The following MYO1E variants were observed in gnomAD, a reference collection of about 807,000 sequenced individuals.
The protein encoded by MYO1E is myosin IE, also known as unconventional myosin-Ie.
A neutral mutation model predicts 151.1 loss-of-function variants in MYO1E; 68 were observed. That is an observed-to-expected ratio of 0.45 (90% CI 0.37 to 0.55). The LOEUF is 0.55. MYO1E is among the 20% of genes least tolerant of loss of function. The pLI, the probability that MYO1E is intolerant of heterozygous loss-of-function variation, is 0.00. For synonymous variants in MYO1E, 601 were observed against 501.7 expected (o/e 1.20, Z -2.64); for missense variants, 1,363 against 1,389.3 (o/e 0.98, Z 0.30).
chr15:59,362,827 G>A lies in MYO1E; in HGVS notation c.3+9671C>T, dbSNP rs542225994. Among the ~76,000 whole-genome samples, 12 of 152,248 alleles carry A rather than the reference G, an allele frequency of 7.9e-5. 1 individual carries two copies. Among genetic ancestry groups the A allele is most frequent in the African/African-American group, 2.6e-4 (11 of 41,550 alleles). On this transcript the variant is annotated intron_variant, in intron 1 of 27. Transcript: ENST00000288235. ...GTGGTCACACCGAAGAAATTATTAGGAGACTAACAATGTGATATTCTAATT... is the reference window on the plus strand; with the variant it reads ...GTGGTCACACCGAAGAAATTATTAGAAGACTAACAATGTGATATTCTAATT...
chr15:59,231,909 G>A lies in MYO1E; in HGVS notation c.421-118C>T, dbSNP rs2306784. The A allele has an allele frequency of 0.2, 173,386 of 886,910 alleles. 21,441 individuals carry two copies. The highest frequency in any genetic ancestry group is 0.49 in the East Asian group (18,990 of 38,632). 54.9% of individuals were successfully genotyped at this position (886,910 alleles called of 1,614,324 possible). A position where few individuals can be genotyped will look rare whatever the true frequency, so the allele number is the denominator to read the frequency against. Reference sequence around the variant, plus strand: ...CATTAAGGTGAGGGGCCCCACACCCGTGTGTCACTGGTGGGGTTTCTGGAG... The same window carrying A: ...CATTAAGGTGAGGGGCCCCACACCCATGTGTCACTGGTGGGGTTTCTGGAG... On this transcript the variant is annotated intron_variant, in intron 5 of 27. Transcript: ENST00000288235.
chr15:59,247,361 C>T (rs2080136658), intron 4 of MYO1E, among the ~76,000 whole-genome samples: 1 of 152,108 alleles, frequency 6.6e-6, no homozygotes, highest in Non-Finnish European at 1.5e-5. Flanking sequence ...AATTTGAGAC[C>T]TAGAGAGACA....
At chr15:59,290,065 T>G (rs2080409995) in intron 1 of MYO1E, among the ~76,000 whole-genome samples, 1 of 152,222 alleles carries the variant, frequency 6.6e-6, no homozygotes, top group African/African-American at 2.4e-5. Flanking sequence ...CATTGTTTCA[T>G]TTGGTTTCAA....
chr15:59,206,831 C>A, intron 14 of MYO1E: 2 of 1,127,590 alleles, frequency 1.8e-6, no homozygotes, highest in Non-Finnish European at 2.5e-6. Context: ...GCGGGGCACG[C>A]GCACCTGCCG....
At chr15:59,297,390 C>G (rs553354603) in intron 1 of MYO1E, among the ~76,000 whole-genome samples, 1 of 146,400 alleles carries the variant, frequency 6.8e-6, no homozygotes, top group African/African-American at 2.5e-5. Context: ...CCTGCCTCAG[C>G]CTCCTGAGTA....
intron 9 of MYO1E, 117 bp downstream of exon 9, chr15:59,222,942 G>C: frequency 2.0e-6 from 3 of 1,481,926 alleles, no homozygotes; most frequent in South Asian, 1.2e-5. Flanking sequence ...AGGACATGTA[G>C]ATTTATCACT....
chr15:59,298,420 G>A (rs1242819442), intron 1 of MYO1E, among the ~76,000 whole-genome samples: 1 of 152,210 alleles, frequency 6.6e-6, no homozygotes, highest in Non-Finnish European at 1.5e-5. Context: ...TCCACAAGGT[G>A]TGAAATCATG....
chr15:59,183,154 G>A (rs1476219656), intron 18 of MYO1E, among the ~76,000 whole-genome samples: 1 of 34,288 alleles, frequency 2.9e-5, no homozygotes, highest in Non-Finnish European at 6.0e-5. Context: ...GGGGACCCCT[G>A]CCTTAGACGG....
intron 1 of MYO1E, among the ~76,000 whole-genome samples, chr15:59,273,128 C>G (rs967019491): frequency 6.6e-6 from 1 of 152,212 alleles, no homozygotes; most frequent in Admixed American, 6.5e-5. Flanking sequence ...AACGAGATCA[C>G]GGAACATGCC....
chr15:59,274,128 CT>C (rs1158478037), intron 1 of MYO1E, among the ~76,000 whole-genome samples: 1 of 151,964 alleles, frequency 6.6e-6, no homozygotes, highest in African/African-American at 2.4e-5. Context: ...GAAAAGCCAT[CT>C]TTTAAAATCA....
chr15:59,253,901 C>CTTTTTTTTTTTTTTTTTTTTT (rs34819314), intron 4 of MYO1E, among the ~76,000 whole-genome samples: 7 of 135,812 alleles, frequency 5.2e-5, no homozygotes, highest in Non-Finnish European at 1.1e-4. Flanking sequence ...GACAAACAAC[C>CTTTTTTTTTTTTTTTTTTTTT]TTTTTTTTTT....
At chr15:59,267,403 C>A (rs566489190) in intron 2 of MYO1E, among the ~76,000 whole-genome samples, 121 of 152,302 alleles carry the variant, frequency 7.9e-4, no homozygotes, top group African/African-American at 2.7e-3. Flanking sequence ...GGGTTCATCC[C>A]TGAGGTGGCA....
chr15:59,210,656 C>T (rs984959439), intron 12 of MYO1E, 56 bp from the exon 13 acceptor site: 44 of 1,252,394 alleles, frequency 3.5e-5, no homozygotes, highest in East Asian at 6.9e-5. Flanking sequence ...GAGCTCTGCA[C>T]GGACAGACCC....
At chr15:59,235,155 C>CT in intron 5 of MYO1E, among the ~76,000 whole-genome samples, 1 of 152,290 alleles carries the variant, frequency 6.6e-6, no homozygotes, top group East Asian at 1.9e-4. Flanking sequence ...TTTAATCTCT[C>CT]TTTTTTCCTT....
At chr15:59,264,483 A>AT (rs1464061342) in intron 2 of MYO1E, among the ~76,000 whole-genome samples, 4 of 152,220 alleles carry the variant, frequency 2.6e-5, no homozygotes, top group Admixed American at 6.5e-5. Flanking sequence ...TCAAACAAGA[A>AT]TTTTTTTAAG....
At chr15:59,249,381 C>T (rs1023472722) in intron 4 of MYO1E, among the ~76,000 whole-genome samples, 2 of 150,204 alleles carry the variant, frequency 1.3e-5, no homozygotes, top group African/African-American at 4.9e-5. Flanking sequence ...GCTGAGATCA[C>T]GCCATTGCAC....
At chr15:59,200,670 G>A (rs1391576043) in intron 16 of MYO1E, among the ~76,000 whole-genome samples, 1 of 152,156 alleles carries the variant, frequency 6.6e-6, no homozygotes, top group Non-Finnish European at 1.5e-5. Flanking sequence ...CGGCGATACA[G>A]GAAAGGGGCT....
rs1367594934 is a variant in MYO1E, at chr15:59,136,676, G to C, written c.*704C>G. On this transcript the variant is annotated 3_prime_UTR_variant, in exon 28 of 28. Transcript: ENST00000288235. ...TGAAAAAAGATCCTTCTTGTAGTAA[G>C]TACAGCATTTAAACACAAACCAATA... is the stretch of plus-strand genomic sequence containing the variant. 2.2e-6 allele frequency: 1 copy of C among 456,422 alleles called. No individual in the cohort carries two copies. Among genetic ancestry groups the C allele is most frequent in the East Asian group, 6.9e-5 (1 of 14,394 alleles). 28.3% of individuals were successfully genotyped at this position (456,422 alleles called of 1,614,324 possible).
rs552546136 is a variant in MYO1E, at chr15:59,271,167, C to A, written c.147+1139G>T. On this transcript the variant is annotated intron_variant, in intron 2 of 27. Transcript: ENST00000288235. ...CTGATAAGTTGAACCCGACCCCCCACGACTTACCAGTGATGGGATAGGCAG... is the reference window on the plus strand; with the variant it reads ...CTGATAAGTTGAACCCGACCCCCCAAGACTTACCAGTGATGGGATAGGCAG... 2.6e-5 allele frequency: 4 copies of A among 152,282 alleles called. No homozygotes were observed. The East Asian group carries it at 7.7e-4, about 29-fold the overall frequency. The allele number at this position is 152,282 out of a possible 1,614,324, so 9.4% of individuals were successfully genotyped here. A position where few individuals can be genotyped will look rare whatever the true frequency, so the allele number is the denominator to read the frequency against.
Sources: allele counts gnomAD v4.1 joint callset (sites outside exome capture counted in the v4.1 genomes callset), GRCh38; gene constraint gnomAD v4.1.1; transcripts MANE v1.5; gene names NCBI Gene and HGNC (gene_info 2026-07-23, HGNC 2026-07-21).